The following CROCC2 variants were observed in gnomAD, a reference collection of about 807,000 sequenced individuals.
CROCC2 encodes ciliary rootlet coiled-coil protein 2.
In CROCC2, 163 loss-of-function variants were observed where a neutral mutation model predicts 177.6. The observed-to-expected ratio is 0.92, with a 90% confidence interval of 0.81 to 1.05. CROCC2 has a LOEUF of 1.05. CROCC2 is among the 50% of genes least tolerant of loss of function. The pLI is 0.00. For missense variants in CROCC2, 1,929 were observed against 1,797.8 expected, an observed-to-expected ratio of 1.07 and a Z score of -1.32; for synonymous variants, 904 against 787.3, an observed-to-expected ratio of 1.15 and a Z score of -2.48.
At chr2:240,938,941 T>C (rs1189923326) in intron 14 of CROCC2, among the ~76,000 whole-genome samples, 1 of 152,216 alleles carries the variant, frequency 6.6e-6, no homozygotes, top group Non-Finnish European at 1.5e-5. Context: ...TGTATGTTTA[T>C]ATAATTATTC....
At position 240,949,339 on chromosome 2, in the gene CROCC2, G is replaced by A. The variant is rs922083682; in HGVS notation, c.2483-194G>A. ...GCTTAGAACTGGGCTCTGGCCACAG[G>A]GTCAGCATGTAGCCTCCAGCTGCAG... On this transcript the variant is annotated intron_variant, in intron 16 of 31. Coordinates refer to ENST00000690015, the MANE Select transcript of CROCC2 (RefSeq NM_001351305.2). The surrounding 1 kb of genome is among the most constrained non-coding windows in gnomAD (Gnocchi z 4.5). Among the ~76,000 whole-genome samples, 1 of 152,114 alleles carries A rather than the reference G, an allele frequency of 6.6e-6. No individual in the cohort carries two copies. Among genetic ancestry groups the A allele is most frequent in the Non-Finnish European group, 1.5e-5 (1 of 68,004 alleles).
At chr2:240,914,225 G>A (rs1263395474) in intron 1 of CROCC2, among the ~76,000 whole-genome samples, 3 of 152,218 alleles carry the variant, frequency 2.0e-5, no homozygotes, top group Non-Finnish European at 4.4e-5. Flanking sequence ...GCCCAAGGCT[G>A]GGGTCCCAGT....
intron 14 of CROCC2, 38 bp downstream of exon 14, chr2:240,935,626 A>T: frequency 3.7e-6 from 5 of 1,359,678 alleles, no homozygotes; most frequent in Middle Eastern, 2.8e-4. Flanking sequence ...GCCGTCTGGG[A>T]TGCGGCTGGG....
At chr2:240,975,585 C>T (rs1478395763) in intron 27 of CROCC2, among the ~76,000 whole-genome samples, 5 of 152,156 alleles carry the variant, frequency 3.3e-5, no homozygotes, top group Non-Finnish European at 5.9e-5. Context: ...GCCGGCAGGA[C>T]GCTTAACGAG....
rs772488767 is a variant in CROCC2 at position 240,967,424 on chromosome 2, G to T, written c.4226G>T (p.Arg1409Leu). ...AECRCARAQSRVGQLQKALAE... is the reference protein window; with the variant it reads ...AECRCARAQSLVGQLQKALAE... Reference sequence around the variant, plus strand: ...TGCAGGTGTGCCCGGGCCCAGAGCCGCGTGGGGCAGCTGCAGAAAGCCCTG... The same window carrying T: ...TGCAGGTGTGCCCGGGCCCAGAGCCTCGTGGGGCAGCTGCAGAAAGCCCTG... Residue 1409 changes from arginine (R) to leucine (L), a missense_variant, in exon 26 of 32, where the codon CGC (arginine) becomes CTC (leucine). By Grantham distance (102) the Arg-to-Leu change is moderately radical. Transcript: ENST00000690015. 44 of 1,235,342 alleles carry T rather than the reference G, an allele frequency of 3.6e-5. No individual in the cohort carries two copies. In the African/African-American group the frequency reaches 5.2e-4, roughly 15 times the overall value. The allele number at this position is 1,235,342 out of a possible 1,614,324, so 76.5% of individuals were successfully genotyped here.
chr2:240,966,056 C>T, intron 24 of CROCC2, 63 bp downstream of exon 24: 1 of 1,301,528 alleles, frequency 7.7e-7, no homozygotes, highest in Non-Finnish European at 9.7e-7. Flanking sequence ...CCTGGCACCT[C>T]TCTTTCAGGC....
At chr2:240,974,534 C>CTTTTTTTTTTTTT (rs61276773) in intron 27 of CROCC2, among the ~76,000 whole-genome samples, 6 of 134,914 alleles carry the variant, frequency 4.4e-5, no homozygotes, top group Non-Finnish European at 7.8e-5. Context: ...TCTTTTTTTT[C>CTTTTTTTTTTTTT]TTTTTTTTTT....
rs774225484 is a variant in CROCC2, at chr2:240,930,288, A to C, written c.749+19A>C. The C allele has an allele frequency of 8.1e-6, 4 of 496,596 alleles. No individual in the cohort carries two copies. Among genetic ancestry groups the C allele is most frequent in the Non-Finnish European group, 1.5e-5 (4 of 271,006 alleles). The allele number at this position is 496,596 out of a possible 1,614,324, so 30.8% of individuals were successfully genotyped here. A position where few individuals can be genotyped will look rare whatever the true frequency, so the allele number is the denominator to read the frequency against. ...CTGAGAGGTGAGTGCCAGCCGCCCCACCTGGGGCCAGGCACCAGGCTGCAG... is the reference window on the plus strand; with the variant it reads ...CTGAGAGGTGAGTGCCAGCCGCCCCCCCTGGGGCCAGGCACCAGGCTGCAG... On this transcript the variant is annotated intron_variant, in intron 6 of 31. Transcript: ENST00000690015.
At chr2:240,992,710 CAG>C (rs561022073) in intron 31 of CROCC2, among the ~76,000 whole-genome samples, 51 of 152,360 alleles carry the variant, frequency 3.3e-4, no homozygotes, top group South Asian at 1.0e-3. Context: ...CATGGCCAGT[CAG>C]GGGTGGAGGA....
At chr2:240,970,878 T>C (rs936161546) in intron 27 of CROCC2, among the ~76,000 whole-genome samples, 2 of 152,172 alleles carry the variant, frequency 1.3e-5, no homozygotes, top group African/African-American at 4.8e-5. Context: ...TGGCATGGTG[T>C]GACTGGCGTC....
At position 240,949,631 on chromosome 2, in the gene CROCC2, G is replaced by A; in HGVS notation, c.2581G>A (p.Glu861Lys). The change falls in exon 17 of 32, where the codon GAG becomes AAG. Residue 861 changes from glutamate (E) to lysine (K), a missense_variant. By Grantham distance (56) the Glu-to-Lys change is moderately conservative. Coordinates refer to ENST00000690015, the MANE Select transcript of CROCC2 (RefSeq NM_001351305.2). The surrounding 1 kb of genome is among the most constrained non-coding windows in gnomAD (Gnocchi z 4.5). ...GCGACAGGTGGCACAGCAGGAGCGG[G>A]AGGCACAGCGGGCCCTGGAGAGCCA... ...LQRQVAQQER[E>K]AQRALESQAL... is the part of the protein sequence containing the mutation. The A allele has an allele frequency of 6.4e-6, 10 of 1,550,434 alleles. No individual in the cohort carries two copies. Among genetic ancestry groups the A allele is most frequent in the Non-Finnish European group, 8.7e-6 (10 of 1,146,952 alleles).
chr2:240,948,055 C>T (rs2059533668), intron 15 of CROCC2, among the ~76,000 whole-genome samples: 1 of 152,096 alleles, frequency 6.6e-6, no homozygotes, highest in African/African-American at 2.4e-5. Context: ...GGAGGGGTTT[C>T]CAGGCTGACT....
intron 9 of CROCC2, 40 bp downstream of exon 9, chr2:240,932,948 G>C: frequency 6.5e-7 from 1 of 1,540,216 alleles, no homozygotes; most frequent in Non-Finnish European, 8.7e-7. Flanking sequence ...GTCTCCCTGA[G>C]GGCAGAAACA....
At chr2:240,910,125 G>T (rs2059277996) in intron 1 of CROCC2, among the ~76,000 whole-genome samples, 1 of 152,138 alleles carries the variant, frequency 6.6e-6, no homozygotes, top group South Asian at 2.1e-4. Flanking sequence ...TGGATGTAAA[G>T]GGGCAGGCTT....
intron 27 of CROCC2, among the ~76,000 whole-genome samples, chr2:240,976,696 G>A (rs2059769055): frequency 1.7e-5 from 2 of 118,696 alleles, no homozygotes; most frequent in African/African-American, 3.3e-5. Context: ...CTCAGTCTCT[G>A]GGGTAGGAGC....
rs2059728491 is a variant in CROCC2 at position 240,972,504 on chromosome 2, C to T, written c.4401+4242C>T. On this transcript the variant is annotated intron_variant, in intron 27 of 31. Transcript: ENST00000690015. The surrounding 1 kb of genome is among the most constrained non-coding windows in gnomAD (Gnocchi z 7.1). ...TGGTAGTACAGAGTTGCCTCCCCAA[C>T]ACCCCTGCAGCTCCCTCCAGCCCTC... is the stretch of plus-strand genomic sequence containing the variant. Among the ~76,000 whole-genome samples the T allele has an allele frequency of 1.3e-5, 2 of 152,114 alleles. No individual in the cohort carries two copies. The highest frequency in any genetic ancestry group is 4.1e-4 in the South Asian group (2 of 4,826).
Position 240,968,182 on chromosome 2 carries a change from CAGA to C in CROCC2, c.4324_4326del (p.Lys1442del). On this transcript the variant is annotated inframe_deletion, in exon 27 of 32. Coordinates refer to ENST00000690015, the MANE Select transcript of CROCC2 (RefSeq NM_001351305.2). ...CAGCGCCCGGGCAGCACGTGCCCTG[CAGA>C]AGGAGGCGCTCCGCAGGCTGGAGTT... 1 of 1,531,970 alleles carries C rather than the reference CAGA, an allele frequency of 6.5e-7. No homozygotes were observed. Among genetic ancestry groups the C allele is most frequent in the Non-Finnish European group, 8.7e-7 (1 of 1,144,388 alleles). The allele number at this position is 1,531,970 out of a possible 1,614,324, so 94.9% of individuals were successfully genotyped here. A position where few individuals can be genotyped will look rare whatever the true frequency, so the allele number is the denominator to read the frequency against.
At position 240,982,834 on chromosome 2, in the gene CROCC2, C is replaced by A; in HGVS notation, c.4402-46C>A. The A allele has an allele frequency of 6.6e-7, 1 of 1,515,122 alleles. No homozygotes were observed. The highest frequency in any genetic ancestry group is 1.2e-5 in the South Asian group (1 of 80,026). The allele number at this position is 1,515,122 out of a possible 1,614,324, so 93.9% of individuals were successfully genotyped here. On this transcript the variant is annotated intron_variant, in intron 27 of 31. Transcript: ENST00000690015. The surrounding 1 kb of genome is among the most constrained non-coding windows in gnomAD (Gnocchi z 4.7). ...GGCCAGGGTTTCCCTGCAGGGCCTC[C>A]CACCCCCAGTGTCTCCAGGTGGACC...
In CROCC2 at chr2:240,972,255, G is replaced by T. The variant is rs1574790038; in HGVS notation, c.4401+3993G>T. 6.6e-6 allele frequency among the ~76,000 whole-genome samples: 1 copy of T among 152,192 alleles called. No homozygotes were observed. On this transcript the variant is annotated intron_variant, in intron 27 of 31. Coordinates refer to ENST00000690015, the MANE Select transcript of CROCC2 (RefSeq NM_001351305.2). This position sits in a 1 kb window ranked among gnomAD's most constrained non-coding sequence, Gnocchi z 7.1. ...GGCTCAAAAGAAAGGCAGAGAGAAG[G>T]GTTCCAAGATCCTGCAGCCACAGGG... is the stretch of plus-strand genomic sequence containing the variant.
Sources: allele counts gnomAD v4.1 joint callset (sites outside exome capture counted in the v4.1 genomes callset), GRCh38; gene constraint gnomAD v4.1.1; non-coding constraint Gnocchi (gnomAD v3.1); transcripts MANE v1.5; gene names NCBI Gene and HGNC (gene_info 2026-07-23, HGNC 2026-07-21).